Variants in MACROD2 observed in about 807,000 individuals in gnomAD.
MACROD2 encodes the protein ADP-ribose glycohydrolase MACROD2.
In MACROD2, 36 loss-of-function variants were observed where a neutral mutation model predicts 70.4. The ratio of observed to expected loss-of-function variants is 0.51; its 90% CI spans 0.39 to 0.68. The LOEUF (loss-of-function observed/expected upper bound fraction) is 0.68, where lower values mean the gene tolerates loss of function less well. MACROD2 is among the 30% of genes least tolerant of loss of function. MACROD2 has a pLI of 0.00. For synonymous variants in MACROD2, 172 were observed against 178.8 expected, an observed-to-expected ratio of 0.96 and a Z score of 0.30; for missense variants, 496 against 538.4, an observed-to-expected ratio of 0.92 and a Z score of 0.78.
chr20:14,609,565 A>G (rs908490413), intron 4 of MACROD2, among the ~76,000 whole-genome samples: 1 of 152,088 alleles, frequency 6.6e-6, no homozygotes, highest in Non-Finnish European at 1.5e-5. Context: ...TGAGCTGCCT[A>G]CTCTGAACTT....
At chr20:14,356,502 T>TC (rs2083173778) in intron 3 of MACROD2, among the ~76,000 whole-genome samples, 1 of 132,226 alleles carries the variant, frequency 7.6e-6, no homozygotes, top group Non-Finnish European at 1.6e-5. Flanking sequence ...TACTTTCTTT[T>TC]TTTTTTTTTT....
At chr20:14,165,871 A>G (rs778296224) in intron 3 of MACROD2, among the ~76,000 whole-genome samples, 20 of 152,174 alleles carry the variant, frequency 1.3e-4, no homozygotes, top group Non-Finnish European at 2.2e-4. Context: ...TCAGGAACCT[A>G]TCTCTACTAG....
Position 14,085,628 on chromosome 20 carries a change from T to C in MACROD2, c.171T>C (p.Asn57=). Residue 57 remains asparagine, a synonymous_variant, in exon 3 of 18, where the codon AAT becomes AAC. Transcript: ENST00000684519. The part of the protein sequence containing the change: ...MKGKGQNDEE[N]TQETSQVKKS... ...ATCCATTTTCTATTACAGAAGAAAA[T>C]ACTCAGGAAACATCCCAGGTGAAGA... 6.5e-7 allele frequency: 1 copy of C among 1,545,926 alleles called. No individual in the cohort carries two copies. Among genetic ancestry groups the C allele is most frequent in the Non-Finnish European group, 8.7e-7 (1 of 1,144,838 alleles).
chr20:14,212,772 A>G (rs1018411550), intron 3 of MACROD2, among the ~76,000 whole-genome samples: 38 of 151,338 alleles, frequency 2.5e-4, no homozygotes, highest in Admixed American at 2.4e-3. Context: ...ATTATCTAGT[A>G]TGGAGCTCAG....
chr20:15,571,807 G>C (rs2048379506), intron 8 of MACROD2, among the ~76,000 whole-genome samples: 1 of 152,056 alleles, frequency 6.6e-6, no homozygotes, highest in East Asian at 1.9e-4. Context: ...CAGACAGATA[G>C]GGGGAAATAC....
At chr20:14,492,380 A>T (rs148078316) in intron 3 of MACROD2, among the ~76,000 whole-genome samples, 2 of 152,340 alleles carry the variant, frequency 1.3e-5, no homozygotes, top group African/African-American at 4.8e-5. Context: ...TCTCGTAAAT[A>T]GCATTTGGTC....
intron 4 of MACROD2, among the ~76,000 whole-genome samples, chr20:14,518,367 T>C (rs1356342328): frequency 6.6e-6 from 1 of 152,120 alleles, no homozygotes; most frequent in Non-Finnish European, 1.5e-5. Context: ...TTACAAATTA[T>C]GTCATTTTTA....
Position 14,708,809 on chromosome 20 carries a change from G to A in MACROD2, c.418+23850G>A, listed in dbSNP as rs1031877522. 2.6e-5 allele frequency among the ~76,000 whole-genome samples: 4 copies of A among 152,000 alleles called. No homozygotes were observed. The East Asian group carries it at 7.7e-4, about 29-fold the overall frequency. On this transcript the variant is annotated intron_variant, in intron 5 of 17. Coordinates refer to ENST00000684519, the MANE Select transcript of MACROD2 (RefSeq NM_001351661.2). Reference sequence around the variant, plus strand: ...ATTTTTTTGTATTTTTAGTAGAGACGGTGTTTCACTTTGTTGGCCAGGCTG... The same window carrying A: ...ATTTTTTTGTATTTTTAGTAGAGACAGTGTTTCACTTTGTTGGCCAGGCTG...
At chr20:14,096,982 T>C (rs2054236250) in intron 3 of MACROD2, among the ~76,000 whole-genome samples, 1 of 152,240 alleles carries the variant, frequency 6.6e-6, no homozygotes, top group South Asian at 2.1e-4. Context: ...AAATTTCCGA[T>C]GGCCACAGTT....
chr20:14,277,477 A>T (rs2122389238), intron 3 of MACROD2, among the ~76,000 whole-genome samples: 1 of 152,236 alleles, frequency 6.6e-6, no homozygotes, highest in East Asian at 1.9e-4. Flanking sequence ...AAACTCAGAA[A>T]ATGGTTTCCA....
chr20:15,453,118 A>G (rs980326497), intron 7 of MACROD2, among the ~76,000 whole-genome samples: 1 of 152,176 alleles, frequency 6.6e-6, no homozygotes, highest in East Asian at 1.9e-4. Flanking sequence ...GTCTTTATTC[A>G]GAGGCACATA....
intron 5 of MACROD2, among the ~76,000 whole-genome samples, chr20:14,805,447 C>T (rs1410642884): frequency 6.6e-6 from 1 of 151,952 alleles, no homozygotes; most frequent in African/African-American, 2.4e-5. Flanking sequence ...TATGAGTAAC[C>T]AGCTAGACAC....
At chr20:14,737,755 T>C (rs1429542535) in intron 5 of MACROD2, among the ~76,000 whole-genome samples, 1 of 152,246 alleles carries the variant, frequency 6.6e-6, no homozygotes, top group Admixed American at 6.5e-5. Flanking sequence ...ATGTTTTCTT[T>C]GAGAAGTGTC....
At chr20:15,466,230 T>C (rs1160877104) in intron 7 of MACROD2, among the ~76,000 whole-genome samples, 1 of 152,226 alleles carries the variant, frequency 6.6e-6, no homozygotes, top group East Asian at 1.9e-4. Flanking sequence ...CATTCTTTCA[T>C]TCATTCCATA....
At chr20:14,469,262 C>T (rs1225981032) in intron 3 of MACROD2, among the ~76,000 whole-genome samples, 2 of 152,168 alleles carry the variant, frequency 1.3e-5, no homozygotes, top group African/African-American at 4.8e-5. Flanking sequence ...GGCCCCCACT[C>T]TCTTCTGGCT....
chr20:14,637,902 C>T (rs6135214), intron 4 of MACROD2, among the ~76,000 whole-genome samples: 14,088 of 152,148 alleles, frequency 0.093, 1,032 homozygotes, highest in South Asian at 0.28. Flanking sequence ...AGATGGTTGA[C>T]TTCCAAAAAA....
chr20:15,552,141 A>G (rs1281990325), intron 8 of MACROD2: 1 of 152,142 alleles, frequency 6.6e-6, no homozygotes, highest in African/African-American at 2.4e-5. Flanking sequence ...AGGTTTCTAG[A>G]AGTTCTTCTC....
At position 15,987,667 on chromosome 20, in the gene MACROD2, G is replaced by C. The variant is rs1005370010; in HGVS notation, c.1153+509G>C. ...TTGAATACTGTTTTAAAAAAAGTGA[G>C]CATTATAATGATTTCTGAAAACTCA... is the stretch of plus-strand genomic sequence containing the variant. On this transcript the variant is annotated intron_variant, in intron 15 of 17. Coordinates refer to ENST00000684519, the MANE Select transcript of MACROD2 (RefSeq NM_001351661.2). Among the ~76,000 whole-genome samples, 7 of 152,002 alleles carry C rather than the reference G, an allele frequency of 4.6e-5. No homozygotes were observed. In the East Asian group the frequency reaches 1.2e-3, roughly 25 times the overall value.
chr20:15,105,939 T>A (rs1446606542), intron 5 of MACROD2, among the ~76,000 whole-genome samples: 1 of 152,174 alleles, frequency 6.6e-6, no homozygotes, highest in Non-Finnish European at 1.5e-5. Context: ...AGTATCACTA[T>A]GAGAGTACAT....
Sources: gnomAD v4.1 joint callset for allele counts (sites outside exome capture counted in the v4.1 genomes callset) on GRCh38, gnomAD v4.1.1 for gene constraint, MANE v1.5 for transcripts, NCBI Gene and HGNC (gene_info 2026-07-23, HGNC 2026-07-21) for gene names.